Variants in COPA observed in about 807,000 individuals in gnomAD.
The protein encoded by COPA is coat protein complex I subunit alpha, also known as coatomer subunit alpha.
In COPA, 10 loss-of-function variants were observed where a neutral mutation model predicts 158.7. That is an observed-to-expected ratio of 0.06 (90% CI 0.04 to 0.11). COPA has a LOEUF of 0.11. COPA is among the 10% of genes least tolerant of loss of function. The pLI is 1.00. For synonymous variants in COPA, 462 were observed against 542.8 expected (o/e 0.85, Z 2.07); for missense variants, 1,065 against 1,536.7 (o/e 0.69, Z 5.13).
At position 160,290,163 on chromosome 1, in the gene COPA, A is replaced by C; in HGVS notation, c.3669T>G (p.Phe1223Leu). 1 of 1,614,178 alleles carries C rather than the reference A, an allele frequency of 6.2e-7. No individual in the cohort carries two copies. Among genetic ancestry groups the C allele is most frequent in the Non-Finnish European group, 8.5e-7 (1 of 1,180,018 alleles). The stretch of plus-strand genomic sequence containing the variant: ...CATGCACACAAAGGGGGCCTTAGCG[A>C]AACTGCAGAGGACTGATCCTTAAAC... ...VIGLRISPLQ[F>L]R The change falls in exon 33 of 33, where the codon TTT becomes TTG. Residue 1223 changes from phenylalanine to leucine, a missense_variant. Phe to Leu is a conservative substitution (Grantham distance 22). Coordinates refer to ENST00000241704, the MANE Select transcript of COPA (RefSeq NM_004371.4).
At chr1:160,315,256 A>C (rs1361703244) in intron 8 of COPA, among the ~76,000 whole-genome samples, 1 of 152,148 alleles carries the variant, frequency 6.6e-6, no homozygotes, top group Admixed American at 6.5e-5. Context: ...CTGGCAGGAG[A>C]TCTAACCTTG....
intron 3 of COPA, among the ~76,000 whole-genome samples, chr1:160,338,090 C>T (rs1647857668): frequency 6.6e-6 from 1 of 152,120 alleles, no homozygotes; most frequent in Non-Finnish European, 1.5e-5. Flanking sequence ...ATTTCTTTTC[C>T]AAAATATTAG....
chr1:160,333,499 G>T, intron 5 of COPA, 104 bp downstream of exon 5: 1 of 772,782 alleles, frequency 1.3e-6, no homozygotes, highest in Admixed American at 2.6e-5. Flanking sequence ...TTAATCAGCC[G>T]ACATAGTCCA....
At chr1:160,327,117 T>C (rs948293519) in intron 6 of COPA, among the ~76,000 whole-genome samples, 2 of 152,130 alleles carry the variant, frequency 1.3e-5, no homozygotes, top group African/African-American at 4.8e-5. Context: ...AAAAAAAGAA[T>C]TGAGACTAAA....
intron 27 of COPA, among the ~76,000 whole-genome samples, 187 bp downstream of exon 27, chr1:160,292,978 GA>G (rs1440258312): frequency 6.6e-6 from 1 of 152,150 alleles, no homozygotes; most frequent in African/African-American, 2.4e-5. Flanking sequence ...TGCCCTAAGA[GA>G]TTACTAGGCC....
chr1:160,294,040 T>C (rs1658324586), intron 25 of COPA, among the ~76,000 whole-genome samples: 1 of 152,200 alleles, frequency 6.6e-6, no homozygotes, highest in Non-Finnish European at 1.5e-5. Flanking sequence ...TCTTCTTTCT[T>C]TCAAATGGGA....
rs749373092 is a variant in COPA at position 160,313,172 on chromosome 1, A to G, written c.843-5T>C. ...CGGAAAGTCTGAACCCCAGTCCTAG[A>G]AAAGGTACACAAAAAGAAAAACATT... On this transcript the variant is annotated splice_region_variant and splice_polypyrimidine_tract_variant and intron_variant, in intron 9 of 32. Transcript: ENST00000241704. 4.0e-5 allele frequency: 64 copies of G among 1,613,154 alleles called. No homozygotes were observed. Among genetic ancestry groups the G allele is most frequent in the Middle Eastern group, 1.6e-4 (1 of 6,084 alleles).
intron 17 of COPA, among the ~76,000 whole-genome samples, chr1:160,300,789 T>G (rs1658574675): frequency 6.6e-6 from 1 of 152,196 alleles, no homozygotes; most frequent in Non-Finnish European, 1.5e-5. Context: ...AAGACCAAGT[T>G]AGGTTTACAT....
chr1:160,336,314 CAG>C (rs1223252233), intron 3 of COPA, among the ~76,000 whole-genome samples: 2 of 146,236 alleles, frequency 1.4e-5, no homozygotes, highest in African/African-American at 2.6e-5. Context: ...GCCTGGGCGA[CAG>C]AGAGAGGCTC....
chr1:160,335,025 T>C (rs1557875938), intron 4 of COPA, among the ~76,000 whole-genome samples: 1 of 152,110 alleles, frequency 6.6e-6, no homozygotes, highest in Non-Finnish European at 1.5e-5. Flanking sequence ...TGACTTCCCA[T>C]AGAATCCACT....
intron 10 of COPA, 138 bp from the exon 11 acceptor site, chr1:160,312,156 C>T (rs1390291534): frequency 2.6e-6 from 2 of 766,812 alleles, no homozygotes; most frequent in African/African-American, 1.8e-5. Flanking sequence ...TAAATTCTCA[C>T]AATTCTTGGA....
At chr1:160,312,178 A>T (rs539933722) in intron 10 of COPA, among the ~76,000 whole-genome samples, 160 bp from the exon 11 acceptor site, 2 of 152,324 alleles carry the variant, frequency 1.3e-5, no homozygotes, top group South Asian at 4.1e-4. Context: ...TCTTTATTTA[A>T]ATAATTCTCT....
Position 160,305,771 on chromosome 1 carries a change from G to T in COPA, c.1445C>A (p.Thr482Asn). The part of the protein sequence containing the change: ...ITLFDVQQKR[T>N]LASVKISKVK... Reference sequence around the variant, plus strand: ...TTTAGAAATCTTCACAGATGCCAGAGTCCTGAGATAGATAGAGATGTGCAA... The same window carrying T: ...TTTAGAAATCTTCACAGATGCCAGATTCCTGAGATAGATAGAGATGTGCAA... Residue 482 changes from threonine to asparagine, a missense_variant and splice_region_variant, in exon 16 of 33, where the codon ACT becomes AAT. Thr to Asn is a moderately conservative substitution (Grantham distance 65). Transcript: ENST00000241704. The T allele has an allele frequency of 6.2e-7, 1 of 1,613,282 alleles. No homozygotes were observed. The highest frequency in any genetic ancestry group is 2.2e-5 in the East Asian group (1 of 44,884).
In COPA at chr1:160,294,853, C is replaced by G; in HGVS notation, c.2481G>C (p.Lys827Asn). 1 of 1,614,074 alleles carries G rather than the reference C, an allele frequency of 6.2e-7. No homozygotes were observed. The highest frequency in any genetic ancestry group is 8.5e-7 in the Non-Finnish European group (1 of 1,179,916). The change falls in exon 24 of 33, where the codon AAG becomes AAC. Residue 827 changes from lysine to asparagine, a missense_variant. Around this residue, in one of 2 missense-constraint regions of COPA, gnomAD observed 980 missense variants for 1,357.8 expected, o/e 0.72. Transcript: ENST00000241704. ...CAATGTCAGCAGCCAGTGCTCCTCCCTTCCCTACAGAGGGAAGGAACAGAA... is the reference window on the plus strand; with the variant it reads ...CAATGTCAGCAGCCAGTGCTCCTCCGTTCCCTACAGAGGGAAGGAACAGAA... ...FFEGTIASKG[K>N]GGALAADIDI...
At chr1:160,307,333 T>A (rs1304220212) in intron 13 of COPA, 88 bp from the exon 14 acceptor site, 2 of 1,254,184 alleles carry the variant, frequency 1.6e-6, no homozygotes, top group African/African-American at 2.9e-5. Context: ...CCAGTCTTGC[T>A]GGATGCCATC....
intron 17 of COPA, among the ~76,000 whole-genome samples, chr1:160,303,077 GCAGGAGAATCACTTGAACCTGGGAGA>G (rs1174675462): frequency 3.9e-5 from 6 of 152,028 alleles, no homozygotes; most frequent in Non-Finnish European, 8.8e-5. Flanking sequence ...GGAGGCTGAG[GCAGGAGAATCACTTGAACCTGGGAGA>G]CAGGAGAATC....
chr1:160,298,733 C>A, intron 19 of COPA, 112 bp downstream of exon 19: 1 of 1,395,588 alleles, frequency 7.2e-7, no homozygotes, highest in South Asian at 1.4e-5. Context: ...AAAAAAATCC[C>A]AAATTTCATT....
chr1:160,308,966 T>G, intron 13 of COPA, 135 bp downstream of exon 13: 1 of 677,426 alleles, frequency 1.5e-6, no homozygotes, highest in Non-Finnish European at 2.6e-6. Flanking sequence ...CTGATGCAAT[T>G]GTCAGCAGCA....
intron 3 of COPA, 112 bp from the exon 4 acceptor site, chr1:160,335,434 A>G: frequency 2.6e-6 from 2 of 757,290 alleles, no homozygotes; most frequent in Non-Finnish European, 3.9e-6. Context: ...ATAGATTTAT[A>G]TACATTATTT....
Sources: gnomAD v4.1 joint callset for allele counts (sites outside exome capture counted in the v4.1 genomes callset) on GRCh38, gnomAD v4.1.1 for gene constraint, gnomAD v4.1.1 regional missense constraint, MANE v1.5 for transcripts, NCBI Gene and HGNC (gene_info 2026-07-23, HGNC 2026-07-21) for gene names.